DCBLD2: variants seen among roughly 807,000 people sequenced by gnomAD.
The protein encoded by DCBLD2 is discoidin, CUB and LCCL domain-containing protein 2.
In DCBLD2, 54 loss-of-function variants were observed where a neutral mutation model predicts 86.8. That is an observed-to-expected ratio of 0.62 (90% confidence interval 0.50 to 0.78). The LOEUF (loss-of-function observed/expected upper bound fraction) is 0.78. DCBLD2 is among the 30% of genes least tolerant of loss of function. The pLI, the probability that DCBLD2 is intolerant of heterozygous loss-of-function variation, is 0.00. For synonymous variants in DCBLD2, 354 were observed against 341.3 expected (o/e 1.04, Z -0.41); for missense variants, 908 against 954.2 (o/e 0.95, Z 0.64).
chr3:98,828,740 C>T (rs1942269266), intron 3 of DCBLD2, among the ~76,000 whole-genome samples: 1 of 152,074 alleles, frequency 6.6e-6, no homozygotes, highest in African/African-American at 2.4e-5. Context: ...ATGTCCCCAC[C>T]AACATTTGTA....
chr3:98,837,873 C>G (rs1220481339), intron 3 of DCBLD2, among the ~76,000 whole-genome samples: 6 of 85,182 alleles, frequency 7.0e-5, no homozygotes, highest in African/African-American at 2.0e-4. Context: ...GGGGGGCTGA[C>G]CCCCCCACCT....
At chr3:98,829,560 G>T (rs1409008658) in intron 3 of DCBLD2, among the ~76,000 whole-genome samples, 1 of 152,068 alleles carries the variant, frequency 6.6e-6, no homozygotes, top group Non-Finnish European at 1.5e-5. Context: ...GAGGTTAATG[G>T]CCTCCAGTTC....
intron 1 of DCBLD2, among the ~76,000 whole-genome samples, chr3:98,898,989 T>G (rs993011094): frequency 2.0e-5 from 3 of 151,986 alleles, no homozygotes; most frequent in Admixed American, 2.0e-4. Context: ...GAGATAGGTA[T>G]GCATGCTCAC....
intron 2 of DCBLD2, among the ~76,000 whole-genome samples, chr3:98,869,524 T>G (rs1269058921): frequency 6.6e-6 from 1 of 152,202 alleles, no homozygotes; most frequent in Non-Finnish European, 1.5e-5. Context: ...ATATCCAGAA[T>G]TTTTCCTAGG....
chr3:98,827,562 C>G (rs1458178227), intron 3 of DCBLD2, among the ~76,000 whole-genome samples: 1 of 152,158 alleles, frequency 6.6e-6, no homozygotes, highest in Admixed American at 6.5e-5. Flanking sequence ...AAGTTGCTCT[C>G]AAATTCCATG....
chr3:98,825,192 G>T, intron 4 of DCBLD2, 123 bp downstream of exon 4: 1 of 677,206 alleles, frequency 1.5e-6, no homozygotes, highest in Non-Finnish European at 2.2e-6. Context: ...TGAAGTCTCG[G>T]AACAATGATA....
Position 98,798,687 on chromosome 3 carries a change from G to A in DCBLD2, c.*685C>T, listed in dbSNP as rs947131243. On this transcript the variant is annotated 3_prime_UTR_variant, in exon 16 of 16. Transcript: ENST00000326840. ...AAACATTTTATAAACACAAGAATGG[G>A]GCAAGACACCAAAGGGCCTCAAGTG... 1.3e-5 allele frequency: 2 copies of A among 152,076 alleles called. No individual in the cohort carries two copies. The highest frequency in any genetic ancestry group is 6.6e-5 in the Admixed American group (1 of 15,252). The allele number at this position is 152,076 out of a possible 1,614,324, so 9.4% of individuals were successfully genotyped here.
intron 13 of DCBLD2, 145 bp downstream of exon 13, chr3:98,807,935 TG>T (rs1233385222): frequency 7.9e-6 from 4 of 505,456 alleles, no homozygotes; most frequent in Non-Finnish European, 1.3e-5. Context: ...TTATTTTTAA[TG>T]GGAATAAAGG....
chr3:98,842,211 G>A (rs114144215), intron 3 of DCBLD2, among the ~76,000 whole-genome samples: 2 of 152,116 alleles, frequency 1.3e-5, no homozygotes, highest in Non-Finnish European at 2.9e-5. Flanking sequence ...ATTTCCCAGA[G>A]CCTTAAACAA....
chr3:98,864,498 T>C (rs1331073903), intron 2 of DCBLD2, among the ~76,000 whole-genome samples: 4 of 152,178 alleles, frequency 2.6e-5, no homozygotes, highest in Non-Finnish European at 5.9e-5. Flanking sequence ...ATGTGGCACA[T>C]ATACACCATG....
chr3:98,877,982 A>G (rs1235036273), intron 2 of DCBLD2, among the ~76,000 whole-genome samples: 3 of 152,164 alleles, frequency 2.0e-5, no homozygotes, highest in African/African-American at 7.2e-5. Flanking sequence ...ATATAAACAA[A>G]CAAATGGGAG....
intron 1 of DCBLD2, among the ~76,000 whole-genome samples, chr3:98,888,206 C>G (rs1943595065): frequency 6.6e-6 from 1 of 151,976 alleles, no homozygotes; most frequent in African/African-American, 2.4e-5. Context: ...CACATGCATT[C>G]AGAGTCCAAA....
rs144412399 is a variant in DCBLD2 at position 98,856,109 on chromosome 3, T to C, written c.434-6511A>G. Among the ~76,000 whole-genome samples the C allele has an allele frequency of 2.0e-3, 301 of 152,252 alleles. 1 individual carries two copies. Among genetic ancestry groups the C allele is most frequent in the African/African-American group, 7.0e-3 (291 of 41,560 alleles). On this transcript the variant is annotated intron_variant, in intron 2 of 15. Coordinates refer to ENST00000326840, the MANE Select transcript of DCBLD2 (RefSeq NM_080927.4). ...AATATCAAGAAATTTCTTTAAAGCT[T>C]TTCTGAAAAAATATACTCTTCACTA...
At chr3:98,899,172 G>C (rs1366113745) in intron 1 of DCBLD2, among the ~76,000 whole-genome samples, 3 of 149,940 alleles carry the variant, frequency 2.0e-5, no homozygotes, top group South Asian at 4.2e-4. Flanking sequence ...AAATGTATTT[G>C]TTAAAATGTT....
At chr3:98,800,826 C>A in intron 14 of DCBLD2, 110 bp from the exon 15 acceptor site, 1 of 1,456,010 alleles carries the variant, frequency 6.9e-7, no homozygotes, top group Non-Finnish European at 9.3e-7. Flanking sequence ...TAACAAATAT[C>A]TCTACAAACT....
At chr3:98,850,324 T>C (rs1199322721) in intron 2 of DCBLD2, among the ~76,000 whole-genome samples, 1 of 152,186 alleles carries the variant, frequency 6.6e-6, no homozygotes, top group African/African-American at 2.4e-5. Flanking sequence ...GCACGATCAA[T>C]CAACCAATAA....
In DCBLD2 at chr3:98,860,492, C is replaced by T. The variant is rs139104311; in HGVS notation, c.434-10894G>A. On this transcript the variant is annotated intron_variant, in intron 2 of 15. Transcript: ENST00000326840. Reference sequence around the variant, plus strand: ...CCAGAGAGAAAGGTTGGGTTACCCACGAAGGGAAGCCCATCAGACTAACAG... The same window carrying T: ...CCAGAGAGAAAGGTTGGGTTACCCATGAAGGGAAGCCCATCAGACTAACAG... Among the ~76,000 whole-genome samples the T allele has an allele frequency of 1.1e-3, 168 of 152,254 alleles. 1 individual carries two copies. The highest frequency in any genetic ancestry group is 1.9e-3 in the Non-Finnish European group (131 of 68,024).
In DCBLD2 at chr3:98,901,383, T is replaced by C; in HGVS notation, c.-57A>G. 6.3e-6 allele frequency: 8 copies of C among 1,263,362 alleles called. No homozygotes were observed. Among genetic ancestry groups the C allele is most frequent in the Non-Finnish European group, 7.9e-6 (8 of 1,010,048 alleles). 78.3% of individuals were successfully genotyped at this position (1,263,362 alleles called of 1,614,324 possible). A position where few individuals can be genotyped will look rare whatever the true frequency, so the allele number is the denominator to read the frequency against. Reference sequence around the variant, plus strand: ...GGGTGCCTCGGCAGCCCCGCGCGCCTCTGGCCGCGGCACCCGACCAGGAGA... The same window carrying C: ...GGGTGCCTCGGCAGCCCCGCGCGCCCCTGGCCGCGGCACCCGACCAGGAGA... On this transcript the variant is annotated 5_prime_UTR_variant, in exon 1 of 16. Coordinates refer to ENST00000326840, the MANE Select transcript of DCBLD2 (RefSeq NM_080927.4).
rs1200923152 is a variant in DCBLD2 at position 98,822,292 on chromosome 3, C to T, written c.766G>A (p.Val256Ile). 5.6e-6 allele frequency: 9 copies of T among 1,613,838 alleles called. No homozygotes were observed. Among genetic ancestry groups the T allele is most frequent in the African/African-American group, 1.3e-5 (1 of 74,940 alleles). ...VSNTLGGQIS[V>I]VISKGIPYYE... ...TAGGGGATACCTTTACTAATTACAA[C>T]ACTGATTTGGCCGCCCAACGTGTTT... Residue 256 changes from valine to isoleucine, a missense_variant, in exon 6 of 16, where the codon GTT becomes ATT. Coordinates refer to ENST00000326840, the MANE Select transcript of DCBLD2 (RefSeq NM_080927.4).
Sources: allele counts gnomAD v4.1 joint callset (sites outside exome capture counted in the v4.1 genomes callset), GRCh38; gene constraint gnomAD v4.1.1; transcripts MANE v1.5; gene names NCBI Gene and HGNC (gene_info 2026-07-23, HGNC 2026-07-21).